Variants in PDZRN3 observed in about 807,000 individuals in gnomAD.
PDZRN3 encodes the protein PDZ domain containing ring finger 3.
Under a neutral mutation model 85.7 loss-of-function variants are expected in PDZRN3, and 38 were observed. The observed-to-expected ratio is 0.44, with a 90% CI of 0.34 to 0.58. The LOEUF (loss-of-function observed/expected upper bound fraction) is 0.58, where lower values mean the gene tolerates loss of function less well. Among genes scored for constraint, PDZRN3 ranks in the 20% least tolerant of loss-of-function variants. PDZRN3 has a pLI of 0.01. For synonymous variants in PDZRN3, 759 were observed against 638.0 expected (o/e 1.19, Z -2.86); for missense variants, 1,629 against 1,506.4 (o/e 1.08, Z -1.35).
intron 3 of PDZRN3, among the ~76,000 whole-genome samples, chr3:73,405,754 A>G (rs1227999354): frequency 1.3e-5 from 2 of 152,194 alleles, no homozygotes; most frequent in African/African-American, 4.8e-5. Context: ...GCCTTTTCCT[A>G]TTTGGCATAT....
chr3:73,570,242 T>A (rs1702025992), intron 3 of PDZRN3, among the ~76,000 whole-genome samples: 1 of 152,064 alleles, frequency 6.6e-6, no homozygotes, highest in East Asian at 1.9e-4. Flanking sequence ...AATGAATGAA[T>A]GAAAAAACAA....
intron 3 of PDZRN3, among the ~76,000 whole-genome samples, chr3:73,497,905 C>A (rs908343693): frequency 2.6e-5 from 4 of 152,028 alleles, no homozygotes; most frequent in Non-Finnish European, 5.9e-5. Flanking sequence ...CACCACTGCC[C>A]AAGGGAGAAG....
intron 3 of PDZRN3, among the ~76,000 whole-genome samples, chr3:73,583,650 T>C (rs1302995198): frequency 6.6e-6 from 1 of 152,008 alleles, no homozygotes; most frequent in Non-Finnish European, 1.5e-5. Context: ...ACTCTGCAAG[T>C]AAAATAGCAC....
chr3:73,400,884 TAATGACTCCTAA>T (rs1701734842), intron 5 of PDZRN3, 26 bp downstream of exon 5: 2 of 1,393,386 alleles, frequency 1.4e-6, no homozygotes, highest in Non-Finnish European at 2.0e-6. Context: ...GTGTTCTTAA[TAATGACTCCTAA>T]AATGAGACAA....
At chr3:73,563,013 A>ATATATATATATATTTT (rs1187151191) in intron 3 of PDZRN3, among the ~76,000 whole-genome samples, 1 of 43,756 alleles carries the variant, frequency 2.3e-5, no homozygotes. Flanking sequence ...ATATATATAT[A>ATATATATATATATTTT]TTTTTTTTTT....
intron 3 of PDZRN3, among the ~76,000 whole-genome samples, chr3:73,443,502 G>A (rs1448355082): frequency 2.8e-5 from 3 of 107,592 alleles, no homozygotes; most frequent in African/African-American, 8.2e-5. Flanking sequence ...TTTTTTTGGG[G>A]GGGGGACAGC....
intron 3 of PDZRN3, among the ~76,000 whole-genome samples, chr3:73,450,429 G>GT (rs1219266574): frequency 6.6e-6 from 1 of 152,220 alleles, no homozygotes; most frequent in African/African-American, 2.4e-5. Flanking sequence ...AAAAGGTGTG[G>GT]TAAGAGCTAG....
intron 3 of PDZRN3, among the ~76,000 whole-genome samples, chr3:73,532,824 T>G (rs538569521): frequency 1.3e-5 from 2 of 152,302 alleles, no homozygotes; most frequent in African/African-American, 4.8e-5. Flanking sequence ...GTTTAGAGGG[T>G]CAATGGTCTA....
chr3:73,455,435 A>C (rs1171757767), intron 3 of PDZRN3, among the ~76,000 whole-genome samples: 1 of 152,236 alleles, frequency 6.6e-6, no homozygotes, highest in African/African-American at 2.4e-5. Context: ...GACATTAAGA[A>C]ATGGCTATGT....
chr3:73,536,335 T>C (rs947319665), intron 3 of PDZRN3, among the ~76,000 whole-genome samples: 2 of 152,246 alleles, frequency 1.3e-5, no homozygotes, highest in Non-Finnish European at 2.9e-5. Flanking sequence ...GCAAGAGGAG[T>C]TGACAGGATG....
rs776813570 is a variant in PDZRN3, at chr3:73,384,492, G to A, written c.2074C>T (p.Leu692=). 24 of 1,613,464 alleles carry A rather than the reference G, an allele frequency of 1.5e-5. No individual in the cohort carries two copies. The highest frequency in any genetic ancestry group is 2.0e-5 in the Non-Finnish European group (24 of 1,180,042). Residue 692 remains leucine, a synonymous_variant, in exon 10 of 10, where the codon CTG becomes TTG. Coordinates refer to ENST00000263666, the MANE Select transcript of PDZRN3 (RefSeq NM_015009.3). ...AGGCACTCCAGCTCGATGCTGCGCA[G>A]CTCTTCGTTCAGCAGCTCCAGCTCC... ...DKELELLNEE[L]RSIELECLSI...
At position 73,602,468 on chromosome 3, in the gene PDZRN3, G is replaced by T. The variant is rs761302254; in HGVS notation, c.811-7C>A. On this transcript the variant is annotated splice_polypyrimidine_tract_variant and splice_region_variant and intron_variant, in intron 2 of 9. Coordinates refer to ENST00000263666, the MANE Select transcript of PDZRN3 (RefSeq NM_015009.3). Reference sequence around the variant, plus strand: ...ATGATCCATCGTGGTTATCCTTTGGGTTAAAAAAAAAAACATGCATGAATG... The same window carrying T: ...ATGATCCATCGTGGTTATCCTTTGGTTTAAAAAAAAAAACATGCATGAATG... 3.7e-6 allele frequency: 5 copies of T among 1,351,112 alleles called. No individual in the cohort carries two copies. Among genetic ancestry groups the T allele is most frequent in the South Asian group, 2.4e-5 (2 of 82,334 alleles). The allele number at this position is 1,351,112 out of a possible 1,614,324, so 83.7% of individuals were successfully genotyped here.
chr3:73,416,890 T>TTTTTTTTTTTTTTTTTTTTTTTTG (rs1559667740), intron 3 of PDZRN3, among the ~76,000 whole-genome samples: 1 of 139,958 alleles, frequency 7.1e-6, no homozygotes, highest in African/African-American at 2.8e-5. Context: ...TTTTTTTTTT[T>TTTTTTTTTTTTTTTTTTTTTTTTG]TTTTTTTTTT....
chr3:73,427,807 G>A (rs550015756), intron 3 of PDZRN3, among the ~76,000 whole-genome samples: 1 of 152,348 alleles, frequency 6.6e-6, no homozygotes, highest in South Asian at 2.1e-4. Flanking sequence ...GGGTTTCACA[G>A]AGAACGATGC....
At chr3:73,430,598 GC>G (rs1702412321) in intron 3 of PDZRN3, among the ~76,000 whole-genome samples, 1 of 152,080 alleles carries the variant, frequency 6.6e-6, no homozygotes, top group African/African-American at 2.4e-5. Context: ...ACAGTACATG[GC>G]TACAAACAAG....
At chr3:73,564,878 G>T (rs2106838168) in intron 3 of PDZRN3, among the ~76,000 whole-genome samples, 1 of 152,288 alleles carries the variant, frequency 6.6e-6, no homozygotes, top group African/African-American at 2.4e-5. Flanking sequence ...ATAGGTGTAA[G>T]CATGTTGCCC....
chr3:73,591,569 G>A (rs927335498), intron 3 of PDZRN3, among the ~76,000 whole-genome samples: 2 of 152,228 alleles, frequency 1.3e-5, no homozygotes, highest in Admixed American at 1.3e-4. Flanking sequence ...GTGTTGGCTT[G>A]CTGGAAACCT....
At chr3:73,438,869 G>T (rs542442947) in intron 3 of PDZRN3, among the ~76,000 whole-genome samples, 1 of 152,228 alleles carries the variant, frequency 6.6e-6, no homozygotes, top group South Asian at 2.1e-4. Flanking sequence ...AGCCTCATCT[G>T]CGTCCTCTGG....
intron 3 of PDZRN3, among the ~76,000 whole-genome samples, chr3:73,590,754 T>A (rs1305672618): frequency 2.0e-5 from 3 of 152,198 alleles, no homozygotes; most frequent in Non-Finnish European, 2.9e-5. Context: ...CCCTCATATG[T>A]TAATATTATC....
Sources: allele counts gnomAD v4.1 joint callset (sites outside exome capture counted in the v4.1 genomes callset), GRCh38; gene constraint gnomAD v4.1.1; transcripts MANE v1.5; gene names NCBI Gene and HGNC (gene_info 2026-07-23, HGNC 2026-07-21).